The following PLXNB1 variants were observed in gnomAD, a reference collection of about 807,000 sequenced individuals.
PLXNB1 encodes the protein plexin-B1.
A neutral mutation model predicts 209.4 loss-of-function variants in PLXNB1; 106 were observed. That is an observed-to-expected ratio of 0.51 (90% confidence interval 0.43 to 0.59). The LOEUF is 0.59. Among genes scored for constraint, PLXNB1 ranks in the 20% least tolerant of loss-of-function variants. The pLI, the probability that PLXNB1 is intolerant of heterozygous loss-of-function variation, is 0.00. For synonymous variants in PLXNB1, 1,167 were observed against 1,183.2 expected (o/e 0.99, Z 0.28); for missense variants, 2,357 against 2,853.2 (o/e 0.83, Z 3.96).
In PLXNB1 at chr3:48,415,513, A is replaced by C; in HGVS notation, c.3794+70T>G. 1.4e-6 allele frequency: 2 copies of C among 1,469,320 alleles called. No homozygotes were observed. The highest frequency in any genetic ancestry group is 1.8e-6 in the Non-Finnish European group (2 of 1,085,876). The allele number at this position is 1,469,320 out of a possible 1,614,324, so 91.0% of individuals were successfully genotyped here. A position where few individuals can be genotyped will look rare whatever the true frequency, so the allele number is the denominator to read the frequency against. ...CAGTGCCTCAACATAAAGCCCTACAAACCCCCACATAGTGGAGCTGCAAAG... is the reference window on the plus strand; with the variant it reads ...CAGTGCCTCAACATAAAGCCCTACACACCCCCACATAGTGGAGCTGCAAAG... On this transcript the variant is annotated intron_variant, in intron 19 of 37. Transcript: ENST00000296440. The surrounding 1 kb of genome is among the most constrained non-coding windows in gnomAD (Gnocchi z 5.0).
chr3:48,428,749 C>T (rs886250779), intron 1 of PLXNB1, among the ~76,000 whole-genome samples: 6 of 152,104 alleles, frequency 3.9e-5, no homozygotes. Context: ...TACCAGGCAC[C>T]TGCGATGACC....
Position 48,410,886 on chromosome 3 carries a change from G to A in PLXNB1, c.5398C>T (p.Pro1800Ser), listed in dbSNP as rs368118185. The stretch of plus-strand genomic sequence containing the variant: ...CCCTCACCAACATCAAGGGTGCGAG[G>A]GTCTGGCCGCTGGGTGAGAGGCACT... ...KGVPLTQRPDPRTLDVEWRSG... is the reference protein window; with the variant it reads ...KGVPLTQRPDSRTLDVEWRSG... Residue 1800 changes from proline to serine, a missense_variant, in exon 29 of 38, where the codon CCT (proline) becomes TCT (serine). This residue lies in a region of PLXNB1 where 414 missense variants were observed against 520.5 expected (regional missense o/e 0.80). Transcript: ENST00000296440. This position sits in a 1 kb window ranked among gnomAD's most constrained non-coding sequence, Gnocchi z 6.4. The A allele has an allele frequency of 1.9e-6, 3 of 1,612,104 alleles. No homozygotes were observed. In the African/African-American group the frequency reaches 4.0e-5, roughly 22 times the overall value.
intron 37 of PLXNB1, among the ~76,000 whole-genome samples, chr3:48,404,876 G>A (rs2037220042): frequency 1.3e-5 from 2 of 152,084 alleles, no homozygotes; most frequent in Admixed American, 1.3e-4. Flanking sequence ...TAACCCACCC[G>A]CCAGCCAACA....
rs780970031 is a variant in PLXNB1 at position 48,410,252 on chromosome 3, T to C, written c.5605+44A>G. On this transcript the variant is annotated intron_variant, in intron 31 of 37. Transcript: ENST00000296440. The surrounding 1 kb of genome is among the most constrained non-coding windows in gnomAD (Gnocchi z 6.4). ...GAGGACCTTCCCCATGACTCCGGGC[T>C]GGGCACAGCAGGGGCAGAGGACCGT... 2 of 1,535,236 alleles carry C rather than the reference T, an allele frequency of 1.3e-6. No homozygotes were observed. Among genetic ancestry groups the C allele is most frequent in the East Asian group, 2.3e-5 (1 of 44,114 alleles).
chr3:48,426,529 G>A (rs1183532545), intron 1 of PLXNB1, among the ~76,000 whole-genome samples: 1 of 152,228 alleles, frequency 6.6e-6, no homozygotes, highest in Non-Finnish European at 1.5e-5. Context: ...TAGCAGATGA[G>A]GCCTGAGCAG....
chr3:48,409,145 C>G lies in PLXNB1; in HGVS notation c.6087+184G>C, dbSNP rs926324972. Reference sequence around the variant, plus strand: ...ACAACTTCACCTGTGAATTGGCACACAGTGTCCCCTCCTCTTGCTCATCCC... The same window carrying G: ...ACAACTTCACCTGTGAATTGGCACAGAGTGTCCCCTCCTCTTGCTCATCCC... On this transcript the variant is annotated intron_variant, in intron 34 of 37. Transcript: ENST00000296440. This position sits in a 1 kb window ranked among gnomAD's most constrained non-coding sequence, Gnocchi z 5.8. Among the ~76,000 whole-genome samples, 3 of 152,202 alleles carry G rather than the reference C, an allele frequency of 2.0e-5. No homozygotes were observed. The highest frequency in any genetic ancestry group is 1.9e-4 in the East Asian group (1 of 5,190).
In PLXNB1 at chr3:48,418,553, G is replaced by T. The variant is rs1426536420; in HGVS notation, c.2956-11C>A. On this transcript the variant is annotated splice_polypyrimidine_tract_variant and intron_variant, in intron 13 of 37. Transcript: ENST00000296440. The surrounding 1 kb of genome is among the most constrained non-coding windows in gnomAD (Gnocchi z 6.6). ...AGCCTCATAGCTGAGCTGGAGAAAT[G>T]GGAGTGGGTTCAGAGTCAAGCACTG... 6.3e-7 allele frequency: 1 copy of T among 1,581,622 alleles called. No homozygotes were observed. Among genetic ancestry groups the T allele is most frequent in the Admixed American group, 1.8e-5 (1 of 54,822 alleles).
rs754825684 is a variant in PLXNB1 at position 48,424,321 on chromosome 3, C to T, written c.291G>A (p.Pro97=). 43 of 1,559,656 alleles carry T rather than the reference C, an allele frequency of 2.8e-5. No individual in the cohort carries two copies. The highest frequency in any genetic ancestry group is 1.7e-4 in the Middle Eastern group (1 of 6,016). The part of the protein sequence containing the change: ...ECPQAQPTNN[P]NQLLLVSPGA... ...CTGGGCTCACCAGGAGCAGCTGATT[C>T]GGGTTGTTGGTAGGCTGGGCCTGGG... Residue 97 remains proline (P), a synonymous_variant, in exon 3 of 38, where the codon CCG becomes CCA. Coordinates refer to ENST00000296440, the MANE Select transcript of PLXNB1 (RefSeq NM_001130082.3).
At chr3:48,427,873 C>T (rs994796202) in intron 1 of PLXNB1, among the ~76,000 whole-genome samples, 12 of 152,178 alleles carry the variant, frequency 7.9e-5, no homozygotes, top group Admixed American at 1.3e-4. Context: ...CAGGCACGGC[C>T]GCTCTGCCTC....
rs143335184 is a variant in PLXNB1, at chr3:48,405,781, G to A, written c.6246C>T (p.Leu2082=). 20 of 1,613,398 alleles carry A rather than the reference G, an allele frequency of 1.2e-5. No homozygotes were observed. The highest frequency in any genetic ancestry group is 2.7e-5 in the African/African-American group (2 of 74,898). ...GTTCATGCAGGGCCACTCGCGCCCC[G>A]AGGTCTCCGGAGTAGTTCTAGGGAA... ...AELSWNYSGD[L]GARVALHELY... The change falls in exon 37 of 38, where the codon CTC becomes CTT. Residue 2082 remains leucine, a synonymous_variant. Transcript: ENST00000296440. The surrounding 1 kb of genome is among the most constrained non-coding windows in gnomAD (Gnocchi z 5.0).
Position 48,404,590 on chromosome 3 carries a change from T to C in PLXNB1, c.6304A>G (p.Ile2102Val), listed in dbSNP as rs767142910. The C allele has an allele frequency of 1.2e-6, 2 of 1,605,904 alleles. No individual in the cohort carries two copies. The highest frequency in any genetic ancestry group is 2.2e-5 in the East Asian group (1 of 44,836). Residue 2102 changes from isoleucine (I) to valine (V), a missense_variant and splice_region_variant, in exon 38 of 38, where the codon ATC (isoleucine) becomes GTC (valine). Ile to Val is a conservative substitution (Grantham distance 29). Coordinates refer to ENST00000296440, the MANE Select transcript of PLXNB1 (RefSeq NM_001130082.3). ...YKYINKYYDQ[I>V]ITALEEDGTA... The stretch of plus-strand genomic sequence containing the variant: ...CCATCCTCCTCCAGGGCAGTGATGA[T>C]CTGAAACAGAGACCAATGCCATCAG...
rs1453114254 is a variant in PLXNB1 at position 48,416,645 on chromosome 3, A to G, written c.3375-194T>C. 1.7e-5 allele frequency: 7 copies of G among 414,108 alleles called. No individual in the cohort carries two copies. Among genetic ancestry groups the G allele is most frequent in the African/African-American group, 1.0e-4 (5 of 48,614 alleles). 25.7% of individuals were successfully genotyped at this position (414,108 alleles called of 1,614,324 possible). On this transcript the variant is annotated intron_variant, in intron 16 of 37. Coordinates refer to ENST00000296440, the MANE Select transcript of PLXNB1 (RefSeq NM_001130082.3). The surrounding 1 kb of genome is among the most constrained non-coding windows in gnomAD (Gnocchi z 4.1). Reference sequence around the variant, plus strand: ...AGAAGGCCTTGGTATCTGAGAATTAATATTTGTGGCTTCAATCATTTAAGT... The same window carrying G: ...AGAAGGCCTTGGTATCTGAGAATTAGTATTTGTGGCTTCAATCATTTAAGT...
Position 48,418,602 on chromosome 3 carries a change from G to A in PLXNB1, c.2956-60C>T, listed in dbSNP as rs1371707679. 3.5e-6 allele frequency: 5 copies of A among 1,419,220 alleles called. No individual in the cohort carries two copies. In the Admixed American group the frequency reaches 9.8e-5, roughly 28 times the overall value. The allele number at this position is 1,419,220 out of a possible 1,614,324, so 87.9% of individuals were successfully genotyped here. A position where few individuals can be genotyped will look rare whatever the true frequency, so the allele number is the denominator to read the frequency against. On this transcript the variant is annotated intron_variant, in intron 13 of 37. Coordinates refer to ENST00000296440, the MANE Select transcript of PLXNB1 (RefSeq NM_001130082.3). This position sits in a 1 kb window ranked among gnomAD's most constrained non-coding sequence, Gnocchi z 6.6. ...TGGGGGAAGTGTCAGGCCTGGGGAG[G>A]GGTTAGTCAGAGAAAGGACTAAAAC... is the stretch of plus-strand genomic sequence containing the variant.
In PLXNB1 at chr3:48,418,556, A is replaced by T; in HGVS notation, c.2956-14T>A. On this transcript the variant is annotated splice_polypyrimidine_tract_variant and intron_variant, in intron 13 of 37. Coordinates refer to ENST00000296440, the MANE Select transcript of PLXNB1 (RefSeq NM_001130082.3). This position sits in a 1 kb window ranked among gnomAD's most constrained non-coding sequence, Gnocchi z 6.6. ...CTCATAGCTGAGCTGGAGAAATGGG[A>T]GTGGGTTCAGAGTCAAGCACTGGGG... The T allele has an allele frequency of 6.5e-7, 1 of 1,535,562 alleles. No individual in the cohort carries two copies. Among genetic ancestry groups the T allele is most frequent in the Non-Finnish European group, 8.8e-7 (1 of 1,136,254 alleles).
rs767393639 is a variant in PLXNB1 at position 48,415,313 on chromosome 3, G to A, written c.3829C>T (p.Leu1277=). 3 of 1,613,604 alleles carry A rather than the reference G, an allele frequency of 1.9e-6. No homozygotes were observed. In the East Asian group the frequency reaches 6.7e-5, roughly 36 times the overall value. The change falls in exon 20 of 38, where the codon CTG becomes TTG. Residue 1277 remains leucine (L), a synonymous_variant. Transcript: ENST00000296440. The surrounding 1 kb of genome is among the most constrained non-coding windows in gnomAD (Gnocchi z 5.0). ...GREICVRGQN[L]DVVQTPRIRV... is the part of the protein sequence containing the mutation. Reference sequence around the variant, plus strand: ...ATTCTTGGCGTCTGTACCACGTCCAGATTCTGGCCACGGACGCATATCTCA... The same window carrying A: ...ATTCTTGGCGTCTGTACCACGTCCAAATTCTGGCCACGGACGCATATCTCA...
chr3:48,419,565 G>A lies in PLXNB1; in HGVS notation c.2709+12C>T. On this transcript the variant is annotated intron_variant, in intron 11 of 37. Transcript: ENST00000296440. The surrounding 1 kb of genome is among the most constrained non-coding windows in gnomAD (Gnocchi z 5.7). The stretch of plus-strand genomic sequence containing the variant: ...CCCTCCCCTGAGGCCTCCTTCCTGG[G>A]CTGGGCCTCACCAGCTCCCAGAGCC... The A allele has an allele frequency of 2.5e-6, 4 of 1,598,484 alleles. No individual in the cohort carries two copies. Among genetic ancestry groups the A allele is most frequent in the East Asian group, 2.2e-5 (1 of 44,548 alleles).
rs78220106 is a variant in PLXNB1 at position 48,413,430 on chromosome 3, T to C, written c.4535+240A>G. The C allele has an allele frequency of 4.5e-3, 2,711 of 602,118 alleles. 48 individuals carry two copies. The highest frequency in any genetic ancestry group is 0.044 in the African/African-American group (2,380 of 53,998). 37.3% of individuals were successfully genotyped at this position (602,118 alleles called of 1,614,324 possible). A position where few individuals can be genotyped will look rare whatever the true frequency, so the allele number is the denominator to read the frequency against. On this transcript the variant is annotated intron_variant, in intron 23 of 37. Transcript: ENST00000296440. This position sits in a 1 kb window ranked among gnomAD's most constrained non-coding sequence, Gnocchi z 5.4. ...GCCAAATCCATCCCACAACCTATTT[T>C]TATAAAGATTTGTTAGAACACAGCC... is the stretch of plus-strand genomic sequence containing the variant.
chr3:48,420,461 T>A (rs1000900430), intron 10 of PLXNB1, among the ~76,000 whole-genome samples: 1 of 152,032 alleles, frequency 6.6e-6, no homozygotes, highest in South Asian at 2.1e-4. Flanking sequence ...AGGCCAGACA[T>A]CCCCTGCCTC....
At position 48,406,606 on chromosome 3, in the gene PLXNB1, G is replaced by A. The variant is rs2037328416; in HGVS notation, c.6228+217C>T. 3 of 1,389,418 alleles carry A rather than the reference G, an allele frequency of 2.2e-6. No individual in the cohort carries two copies. The highest frequency in any genetic ancestry group is 2.7e-5 in the East Asian group (1 of 37,120). 86.1% of individuals were successfully genotyped at this position (1,389,418 alleles called of 1,614,324 possible). A position where few individuals can be genotyped will look rare whatever the true frequency, so the allele number is the denominator to read the frequency against. ...GGCTGAATCAGGGTACATGGCAGCTGCCAGGACAAGACCCCTGCTTGCTCT... is the reference window on the plus strand; with the variant it reads ...GGCTGAATCAGGGTACATGGCAGCTACCAGGACAAGACCCCTGCTTGCTCT... On this transcript the variant is annotated intron_variant, in intron 36 of 37. Coordinates refer to ENST00000296440, the MANE Select transcript of PLXNB1 (RefSeq NM_001130082.3). This position sits in a 1 kb window ranked among gnomAD's most constrained non-coding sequence, Gnocchi z 4.4.
Sources: gnomAD v4.1 joint callset for allele counts (sites outside exome capture counted in the v4.1 genomes callset) on GRCh38, gnomAD v4.1.1 for gene constraint, gnomAD v4.1.1 regional missense constraint, Gnocchi (gnomAD v3.1) non-coding constraint, MANE v1.5 for transcripts, NCBI Gene and HGNC (gene_info 2026-07-23, HGNC 2026-07-21) for gene names.